NKTR: variants seen among roughly 807,000 people sequenced by gnomAD.
NKTR encodes the protein natural killer cell triggering receptor.
In NKTR, 67 loss-of-function variants were observed where a neutral mutation model predicts 156.3. The observed-to-expected ratio is 0.43, with a 90% CI of 0.35 to 0.53. The LOEUF is 0.53. Among genes scored for constraint, NKTR ranks in the 20% least tolerant of loss-of-function variants. NKTR has a pLI of 0.01. For synonymous variants in NKTR, 640 were observed against 596.6 expected, an observed-to-expected ratio of 1.07 and a Z score of -1.06; for missense variants, 1,604 against 1,730.9, an observed-to-expected ratio of 0.93 and a Z score of 1.30.
chr3:42,637,086 T>C lies in NKTR; in HGVS notation c.1382T>C (p.Ile461Thr), dbSNP rs369955740. 6.8e-6 allele frequency: 11 copies of C among 1,606,690 alleles called. No individual in the cohort carries two copies. The highest frequency in any genetic ancestry group is 6.8e-6 in the Non-Finnish European group (8 of 1,178,056). Residue 461 changes from isoleucine (I) to threonine (T), a missense_variant, in exon 13 of 17, where the codon ATA becomes ACA. Ile to Thr is a moderately conservative substitution (Grantham distance 89). Transcript: ENST00000232978. ...CAAACAAAGAAGAGAAGGATTCTTA[T>C]ACCGTCTGACATAGAATCCTCAAAA... ...HKQTKKRRIL[I>T]PSDIESSKSS...
chr3:42,632,860 C>T (rs753741878), intron 9 of NKTR, 37 bp downstream of exon 9: 1 of 1,473,810 alleles, frequency 6.8e-7, no homozygotes, highest in Non-Finnish European at 9.0e-7. Context: ...TACCTAAAAA[C>T]AAACACTCTG....
Position 42,639,548 on chromosome 3 carries a change from A to G in NKTR, c.3844A>G (p.Arg1282Gly). The G allele has an allele frequency of 6.2e-7, 1 of 1,614,224 alleles. No homozygotes were observed. The highest frequency in any genetic ancestry group is 8.5e-7 in the Non-Finnish European group (1 of 1,180,038). ...VRPGSLFDEV[R>G]KTARLNRRPR... Reference sequence around the variant, plus strand: ...GCCTGGGTCTCTCTTTGATGAAGTAAGAAAGACAGCACGCTTAAACCGTAG... The same window carrying G: ...GCCTGGGTCTCTCTTTGATGAAGTAGGAAAGACAGCACGCTTAAACCGTAG... The change falls in exon 13 of 17, where the codon AGA becomes GGA. Residue 1282 changes from arginine to glycine, a missense_variant. By Grantham distance (125) the Arg-to-Gly change is moderately radical (BLOSUM62 -2). Transcript: ENST00000232978.
At chr3:42,629,552 C>T in intron 6 of NKTR, 1 of 984,572 alleles carries the variant, frequency 1.0e-6, no homozygotes, top group Non-Finnish European at 1.2e-6. Context: ...ATGGCAGCTT[C>T]TAGTACAGTT....
At chr3:42,610,844 G>T (rs555265547) in intron 2 of NKTR, among the ~76,000 whole-genome samples, 1 of 152,238 alleles carries the variant, frequency 6.6e-6, no homozygotes, top group African/African-American at 2.4e-5. Flanking sequence ...GTTACTTGAA[G>T]ATTAGAAGTA....
chr3:42,643,815 A>C (rs969998538), intron 15 of NKTR, 87 bp from the exon 16 acceptor site: 2 of 907,432 alleles, frequency 2.2e-6, no homozygotes, highest in African/African-American at 1.7e-5. Context: ...GTTCTAAGCT[A>C]GAACACTCCT....
At chr3:42,603,597 A>T (rs1577406083) in intron 2 of NKTR, among the ~76,000 whole-genome samples, 1 of 152,218 alleles carries the variant, frequency 6.6e-6, no homozygotes, top group African/African-American at 2.4e-5. Flanking sequence ...ACGCCGAATC[A>T]TATAAAACAA....
intron 3 of NKTR, among the ~76,000 whole-genome samples, chr3:42,618,715 A>T (rs1707633128): frequency 1.3e-5 from 2 of 152,152 alleles, no homozygotes; most frequent in South Asian, 4.1e-4. Context: ...AAATGTTGGG[A>T]TTACAGGCGT....
intron 4 of NKTR, 28 bp from the exon 5 acceptor site, chr3:42,619,636 A>G (rs769560388): frequency 1.0e-5 from 16 of 1,604,304 alleles, no homozygotes; most frequent in Non-Finnish European, 1.3e-5. Context: ...AATGTTCATT[A>G]TGGCTTAAAG....
intron 2 of NKTR, among the ~76,000 whole-genome samples, chr3:42,613,309 CAT>C (rs1649651246): frequency 1.3e-5 from 2 of 152,174 alleles, no homozygotes; most frequent in African/African-American, 4.8e-5. Context: ...GATTCCCTGA[CAT>C]ATGGGTAAGA....
chr3:42,607,967 CTCTTTTTTTTTTTTTT>C (rs2125763000), intron 2 of NKTR, among the ~76,000 whole-genome samples: 1 of 76,764 alleles, frequency 1.3e-5, no homozygotes, highest in Admixed American at 1.5e-4. Flanking sequence ...TCCTGAGTCG[CTCTTTTTTTTTTTTTT>C]TTTTTTTTTT....
In NKTR at chr3:42,634,681, T is replaced by G; in HGVS notation, c.998T>G (p.Ile333Ser). The G allele has an allele frequency of 6.3e-7, 1 of 1,598,762 alleles. No homozygotes were observed. The highest frequency in any genetic ancestry group is 8.5e-7 in the Non-Finnish European group (1 of 1,170,224). ...KPSVSKSGRK[I>S]KGRGTIRYHT... ...TCTGTATCAAAGTCTGGACGGAAGA[T>G]TAAAGGAAGGGGCACAATTGTATGT... Residue 333 changes from isoleucine (I) to serine (S), a missense_variant, in exon 11 of 17, where the codon ATT becomes AGT. Physicochemically the swap from Ile to Ser is moderately radical, Grantham distance 142. Around this residue, in one of 6 missense-constraint regions of NKTR, gnomAD observed 1,255 missense variants for 1,243.7 expected, o/e 1.01. Coordinates refer to ENST00000232978, the MANE Select transcript of NKTR (RefSeq NM_005385.4).
chr3:42,601,832 T>G (rs1245561422), intron 2 of NKTR: 1 of 152,230 alleles, frequency 6.6e-6, no homozygotes, highest in Non-Finnish European at 1.5e-5. Context: ...GTTCTGCATA[T>G]TCTTATGAGA....
At chr3:42,631,585 CT>C (rs566324984) in intron 8 of NKTR, among the ~76,000 whole-genome samples, 40 of 152,314 alleles carry the variant, frequency 2.6e-4, no homozygotes, top group Non-Finnish European at 4.4e-4. Context: ...GTTCTATAAT[CT>C]TTTGTCAGCA....
intron 2 of NKTR, chr3:42,602,708 T>G (rs1705662555): frequency 6.6e-6 from 1 of 151,932 alleles, no homozygotes; most frequent in Admixed American, 6.6e-5. Context: ...GAATCCATGC[T>G]TTAGATAACA....
intron 2 of NKTR, chr3:42,603,025 CA>C (rs35896209): frequency 3.3e-3 from 343 of 102,666 alleles, no homozygotes; most frequent in East Asian, 0.018. Context: ...GACCCTGTCT[CA>C]AAAAAAAAAA....
intron 15 of NKTR, chr3:42,643,659 A>T (rs1469665052): frequency 3.0e-6 from 2 of 658,244 alleles, no homozygotes; most frequent in Admixed American, 4.8e-5. Context: ...GTTCAAACTA[A>T]CTCGTTAACT....
At chr3:42,603,192 C>T (rs1383016196) in intron 2 of NKTR, 1 of 142,146 alleles carries the variant, frequency 7.0e-6, no homozygotes, top group African/African-American at 2.8e-5. Flanking sequence ...ATAGCAAGAC[C>T]CTGTCTACAA....
At chr3:42,613,383 C>A (rs1343586929) in intron 2 of NKTR, among the ~76,000 whole-genome samples, 1 of 152,156 alleles carries the variant, frequency 6.6e-6, no homozygotes, top group Non-Finnish European at 1.5e-5. Flanking sequence ...TCTTAATCTT[C>A]TTCCTAGATT....
rs1168358415 is a variant in NKTR, at chr3:42,639,692, A to G, written c.3988A>G (p.Arg1330Gly). The G allele has an allele frequency of 6.2e-7, 1 of 1,613,754 alleles. No homozygotes were observed. Among genetic ancestry groups the G allele is most frequent in the Non-Finnish European group, 8.5e-7 (1 of 1,179,696 alleles). ...TGAAACCAAATCAAGACACAGAACA[A>G]GGTCTGTCTCCTATAGTCACTCAAG... ...KSETKSRHRT[R>G]SVSYSHSRSR... The change falls in exon 13 of 17, where the codon AGG becomes GGG. Residue 1330 changes from arginine to glycine, a missense_variant. Coordinates refer to ENST00000232978, the MANE Select transcript of NKTR (RefSeq NM_005385.4).
Sources: allele counts gnomAD v4.1 joint callset (sites outside exome capture counted in the v4.1 genomes callset), GRCh38; gene constraint gnomAD v4.1.1; regional missense constraint gnomAD v4.1.1; transcripts MANE v1.5; gene names NCBI Gene and HGNC (gene_info 2026-07-23, HGNC 2026-07-21).